The following ROBO2 variants were observed in gnomAD, a reference collection of about 807,000 sequenced individuals.
ROBO2 encodes the protein roundabout guidance receptor 2, also known as roundabout homolog 2.
A neutral mutation model predicts 160.8 loss-of-function variants in ROBO2; 53 were observed. The ratio of observed to expected loss-of-function variants is 0.33; its 90% CI spans 0.26 to 0.41. The LOEUF (loss-of-function observed/expected upper bound fraction) is 0.41, where lower values mean the gene tolerates loss of function less well. Among genes scored for constraint, ROBO2 ranks in the 10% least tolerant of loss-of-function variants. The pLI, the probability that ROBO2 is intolerant of heterozygous loss-of-function variation, is 1.00. For missense variants in ROBO2, 1,577 were observed against 1,722.4 expected (o/e 0.92, Z 1.49); for synonymous variants, 664 against 611.7 (o/e 1.09, Z -1.26).
intron 2 of ROBO2, among the ~76,000 whole-genome samples, chr3:76,152,857 T>G (rs889536521): frequency 6.6e-6 from 1 of 152,220 alleles, no homozygotes; most frequent in Admixed American, 6.5e-5. Context: ...GTTTCCATTT[T>G]ACATTTGGAA....
chr3:77,095,357 C>T (rs1230349643), intron 1 of ROBO2, among the ~76,000 whole-genome samples: 1 of 152,052 alleles, frequency 6.6e-6, no homozygotes, highest in African/African-American at 2.4e-5. Flanking sequence ...GCTATTTTTT[C>T]ACTTTTTCTT....
At chr3:76,259,458 G>T (rs777417046) in intron 2 of ROBO2, among the ~76,000 whole-genome samples, 2 of 152,022 alleles carry the variant, frequency 1.3e-5, no homozygotes, top group Non-Finnish European at 2.9e-5. Flanking sequence ...TACTTATTTG[G>T]ATTTATCTGT....
chr3:76,480,787 A>C (rs2079167410), intron 2 of ROBO2, among the ~76,000 whole-genome samples: 1 of 152,172 alleles, frequency 6.6e-6, no homozygotes, highest in Non-Finnish European at 1.5e-5. Context: ...GGGTGGACCC[A>C]AACATTCAGA....
At chr3:76,022,553 C>T (rs1252915615) in intron 2 of ROBO2, among the ~76,000 whole-genome samples, 2 of 151,656 alleles carry the variant, frequency 1.3e-5, no homozygotes, top group African/African-American at 4.8e-5. Flanking sequence ...TATCATTGTT[C>T]ATCTCCATCA....
chr3:76,869,297 T>C (rs1389155275), intron 2 of ROBO2, among the ~76,000 whole-genome samples: 1 of 151,562 alleles, frequency 6.6e-6, no homozygotes, highest in Non-Finnish European at 1.5e-5. Flanking sequence ...CAAATGGACA[T>C]GTATAGTATT....
intron 2 of ROBO2, among the ~76,000 whole-genome samples, chr3:77,466,202 G>C (rs535346764): frequency 1.3e-5 from 2 of 152,206 alleles, no homozygotes; most frequent in South Asian, 4.1e-4. Context: ...TAGTAATCAA[G>C]TAGAACATTT....
chr3:77,181,322 G>A (rs35096854), intron 2 of ROBO2, among the ~76,000 whole-genome samples: 45,053 of 151,790 alleles, frequency 0.3, 7,965 homozygotes, highest in Middle Eastern at 0.47. Context: ...GGGATGAGAG[G>A]CCACCCATGC....
chr3:76,532,320 C>T (rs2082273419), intron 2 of ROBO2, among the ~76,000 whole-genome samples: 1 of 152,268 alleles, frequency 6.6e-6, no homozygotes, highest in Middle Eastern at 3.4e-3. Context: ...GACTGATTTC[C>T]TCGGCAGCCT....
chr3:76,184,591 AGAT>A (rs201808118), intron 2 of ROBO2, among the ~76,000 whole-genome samples: 3,765 of 131,962 alleles, frequency 0.029, 116 homozygotes, highest in East Asian at 0.17. Flanking sequence ...ATAGATAGAT[AGAT>A]AAGAGGGGAT....
intron 2 of ROBO2, among the ~76,000 whole-genome samples, chr3:76,536,722 C>A (rs1455410804): frequency 2.0e-5 from 3 of 152,076 alleles, no homozygotes; most frequent in Non-Finnish European, 4.4e-5. Flanking sequence ...CAACTCTTTC[C>A]CGCTCATCTG....
chr3:77,078,789 G>T (rs537100244), intron 1 of ROBO2, among the ~76,000 whole-genome samples: 19 of 152,070 alleles, frequency 1.2e-4, no homozygotes, highest in Non-Finnish European at 2.8e-4. Context: ...CCCACACCCC[G>T]CAACTCACCA....
intron 2 of ROBO2, among the ~76,000 whole-genome samples, chr3:76,065,219 T>G (rs992132359): frequency 6.6e-6 from 1 of 151,996 alleles, no homozygotes; most frequent in Non-Finnish European, 1.5e-5. Flanking sequence ...CTCCCAAAAA[T>G]GCTTTAAACA....
chr3:77,197,140 C>T lies in ROBO2; in HGVS notation c.388+98800C>T, dbSNP rs183804233. 2.9e-3 allele frequency among the ~76,000 whole-genome samples: 444 copies of T among 152,218 alleles called. 3 individuals are homozygous for T. Among genetic ancestry groups the T allele is most frequent in the African/African-American group, 9.8e-3 (405 of 41,530 alleles). Reference sequence around the variant, plus strand: ...TATTTCTGCTGGGTGGGAAGGCTTCCGTGTGATTTCTCTTGAAGAAAGTCT... The same window carrying T: ...TATTTCTGCTGGGTGGGAAGGCTTCTGTGTGATTTCTCTTGAAGAAAGTCT... On this transcript the variant is annotated intron_variant, in intron 2 of 25. Coordinates refer to ENST00000461745, the Ensembl canonical transcript of ROBO2.
intron 2 of ROBO2, among the ~76,000 whole-genome samples, chr3:76,871,612 A>G (rs985535846): frequency 1.3e-5 from 2 of 152,160 alleles, no homozygotes; most frequent in South Asian, 2.1e-4. Flanking sequence ...CCAATCAACC[A>G]TTGAGTCACT....
At chr3:76,803,304 G>T (rs553470649) in intron 2 of ROBO2, among the ~76,000 whole-genome samples, 1 of 152,166 alleles carries the variant, frequency 6.6e-6, no homozygotes, top group East Asian at 1.9e-4. Flanking sequence ...GATAGCAAAT[G>T]TTCCTTTTCT....
At chr3:76,729,043 C>A (rs532760061) in intron 2 of ROBO2, among the ~76,000 whole-genome samples, 94 of 152,168 alleles carry the variant, frequency 6.2e-4, no homozygotes, top group Middle Eastern at 6.8e-3. Flanking sequence ...TAAATGTAGA[C>A]TTTACTAGTG....
At chr3:77,360,215 C>T (rs1351906745) in intron 2 of ROBO2, among the ~76,000 whole-genome samples, 1 of 151,458 alleles carries the variant, frequency 6.6e-6, no homozygotes, top group East Asian at 2.0e-4. Context: ...ATTCTATTTG[C>T]AAATGCTCTA....
chr3:76,137,569 T>TGTA (rs2071477627), intron 2 of ROBO2, among the ~76,000 whole-genome samples: 1 of 151,858 alleles, frequency 6.6e-6, no homozygotes, highest in Admixed American at 6.6e-5. Context: ...CCTCAAAGAG[T>TGTA]AATGTTCATG....
intron 2 of ROBO2, among the ~76,000 whole-genome samples, chr3:77,240,526 G>T (rs2088871747): frequency 6.6e-6 from 1 of 152,186 alleles, no homozygotes; most frequent in South Asian, 2.1e-4. Flanking sequence ...CCAGAGAGGG[G>T]CTCCCACACT....
Sources: gnomAD v4.1 joint callset for allele counts (sites outside exome capture counted in the v4.1 genomes callset) on GRCh38, gnomAD v4.1.1 for gene constraint, MANE v1.5 for transcripts, NCBI Gene and HGNC (gene_info 2026-07-23, HGNC 2026-07-21) for gene names.